The following KANK1 variants were observed in gnomAD, a reference collection of about 807,000 sequenced individuals.
The protein encoded by KANK1 is KN motif and ankyrin repeat domains 1.
KANK1 carries 109 observed loss-of-function variants against 106.2 expected under a neutral mutation model. That is an observed-to-expected ratio of 1.03 (90% CI 0.88 to 1.20). The LOEUF is 1.20. KANK1 is among the 50% of genes most tolerant of loss of function. KANK1 has a pLI of 0.00. For missense variants in KANK1, 2,399 were observed against 1,710.7 expected, an observed-to-expected ratio of 1.40 and a Z score of -7.10; for synonymous variants, 873 against 652.2, an observed-to-expected ratio of 1.34 and a Z score of -5.16.
chr9:501,663 C>T (rs994233292), upstream of KANK1, among the ~76,000 whole-genome samples: 13 of 151,310 alleles, frequency 8.6e-5, no homozygotes, highest in African/African-American at 3.2e-4. Flanking sequence ...GATATGATAT[C>T]GATTGGAATT....
chr9:718,153 T>C (rs1201375004), intron 3 of KANK1, among the ~76,000 whole-genome samples: 1 of 152,120 alleles, frequency 6.6e-6, no homozygotes, highest in Non-Finnish European at 1.5e-5. Context: ...TTAATCACTT[T>C]CTTTTAATGC....
At chr9:528,094 C>T (rs2133410445) in intron 1 of KANK1, among the ~76,000 whole-genome samples, 1 of 151,104 alleles carries the variant, frequency 6.6e-6, no homozygotes, top group African/African-American at 2.4e-5. Flanking sequence ...GATCGTGCCA[C>T]TGCACTCCAT....
intron 1 of KANK1, among the ~76,000 whole-genome samples, chr9:656,700 G>T (rs1438575195): frequency 6.6e-6 from 1 of 152,110 alleles, no homozygotes; most frequent in African/African-American, 2.4e-5. Flanking sequence ...ATCACTAAAG[G>T]GATGTGCTTG....
At chr9:603,805 C>A (rs764683247) in intron 1 of KANK1, among the ~76,000 whole-genome samples, 2 of 151,186 alleles carry the variant, frequency 1.3e-5, no homozygotes, top group African/African-American at 2.5e-5. Flanking sequence ...ACTAAAAATA[C>A]AAAAATTAGC....
At chr9:586,093 A>G (rs1418740756) in intron 1 of KANK1, among the ~76,000 whole-genome samples, 1 of 152,202 alleles carries the variant, frequency 6.6e-6, no homozygotes, top group Non-Finnish European at 1.5e-5. Flanking sequence ...ATAAGATGTC[A>G]TTATTATTTT....
At position 745,515 on chromosome 9, in the gene KANK1, C is replaced by T. The variant is rs556288636; in HGVS notation, c.*280C>T. On this transcript the variant is annotated 3_prime_UTR_variant, in exon 12 of 12. Transcript: ENST00000382297. ...TTGTACAGTCACAGGGAATTCTGAT[C>T]TGAAGGGGCACCTTCTGTTCACTCC... The T allele has an allele frequency of 6.3e-4, 183 of 289,120 alleles. 1 individual carries two copies. In the East Asian group the frequency reaches 0.012, roughly 19 times the overall value. 17.9% of individuals were successfully genotyped at this position (289,120 alleles called of 1,614,324 possible).
chr9:667,826 G>A (rs1451500302), intron 1 of KANK1, among the ~76,000 whole-genome samples: 1 of 151,160 alleles, frequency 6.6e-6, no homozygotes, highest in Non-Finnish European at 1.5e-5. Context: ...CCACCTCCTG[G>A]GTTCAAGTGA....
intron 9 of KANK1, 104 bp downstream of exon 9, chr9:741,038 C>A: frequency 1.5e-6 from 2 of 1,339,194 alleles, no homozygotes; most frequent in African/African-American, 1.5e-5. Flanking sequence ...GCTTCCACCA[C>A]AGTGCACTTG....
rs1215121446 is a variant in KANK1, at chr9:724,711, A to G, written c.2699-5340A>G. Among the ~76,000 whole-genome samples the G allele has an allele frequency of 5.3e-5, 8 of 152,106 alleles. No individual in the cohort carries two copies. In the East Asian group the frequency reaches 1.3e-3, roughly 26 times the overall value. On this transcript the variant is annotated intron_variant, in intron 3 of 11. Coordinates refer to ENST00000382297, the MANE Select transcript of KANK1 (RefSeq NM_015158.5). ...CAGCTACTCAGGAGGCTGAAGCAGGAGAATCACTTGAACCCGGGAGGTGGA... is the reference window on the plus strand; with the variant it reads ...CAGCTACTCAGGAGGCTGAAGCAGGGGAATCACTTGAACCCGGGAGGTGGA...
At chr9:742,741 G>A (rs1438160783) in intron 10 of KANK1, among the ~76,000 whole-genome samples, 1 of 152,196 alleles carries the variant, frequency 6.6e-6, no homozygotes, top group Non-Finnish European at 1.5e-5. Flanking sequence ...CAGTGTAGGT[G>A]ACTTCTGACA....
At chr9:541,439 TG>T (rs1450444823) in intron 1 of KANK1, among the ~76,000 whole-genome samples, 4 of 152,072 alleles carry the variant, frequency 2.6e-5, no homozygotes, top group African/African-American at 9.7e-5. Flanking sequence ...GACTAAAGAT[TG>T]GGGGCATGGC....
At chr9:632,920 C>G (rs902868811) in intron 1 of KANK1, among the ~76,000 whole-genome samples, 1 of 152,082 alleles carries the variant, frequency 6.6e-6, no homozygotes, top group African/African-American at 2.4e-5. Context: ...TCTGGAACTC[C>G]TGACCTCAGG....
intron 1 of KANK1, among the ~76,000 whole-genome samples, chr9:631,639 A>G (rs994603696): frequency 6.6e-6 from 1 of 152,186 alleles, no homozygotes; most frequent in African/African-American, 2.4e-5. Flanking sequence ...GTGGCTTCTG[A>G]GCTCAGGTGT....
chr9:702,150 T>C (rs1413191081), intron 2 of KANK1, among the ~76,000 whole-genome samples: 1 of 152,192 alleles, frequency 6.6e-6, no homozygotes, highest in African/African-American at 2.4e-5. Flanking sequence ...TTACCCCAAA[T>C]TGCAGAGTGT....
chr9:582,741 C>T (rs536431656), intron 1 of KANK1, among the ~76,000 whole-genome samples: 5 of 152,348 alleles, frequency 3.3e-5, no homozygotes, highest in Admixed American at 3.3e-4. Flanking sequence ...CAGCATATTA[C>T]AGAGGCTCTG....
chr9:555,411 T>C (rs1274223455), intron 1 of KANK1, among the ~76,000 whole-genome samples: 2 of 152,166 alleles, frequency 1.3e-5, no homozygotes, highest in African/African-American at 2.4e-5. Context: ...GATAAACTCT[T>C]CCACTCAGTC....
At chr9:716,603 A>C (rs1382131456) in intron 3 of KANK1, among the ~76,000 whole-genome samples, 3 of 152,198 alleles carry the variant, frequency 2.0e-5, no homozygotes, top group Non-Finnish European at 4.4e-5. Flanking sequence ...AACGAAGTAT[A>C]TTAGCGGCCA....
intron 1 of KANK1, among the ~76,000 whole-genome samples, chr9:551,847 A>C (rs1261184094): frequency 6.6e-6 from 1 of 151,828 alleles, no homozygotes; most frequent in African/African-American, 2.4e-5. Context: ...CAGGAGTTGG[A>C]GACCACCCTG....
At chr9:638,105 A>G (rs2137044429) in intron 1 of KANK1, among the ~76,000 whole-genome samples, 1 of 152,320 alleles carries the variant, frequency 6.6e-6, no homozygotes, top group African/African-American at 2.4e-5. Context: ...TATTAGAGAA[A>G]CTGAAATGGA....
Sources: allele counts gnomAD v4.1 joint callset (sites outside exome capture counted in the v4.1 genomes callset), GRCh38; gene constraint gnomAD v4.1.1; transcripts MANE v1.5; gene names NCBI Gene and HGNC (gene_info 2026-07-23, HGNC 2026-07-21).